The following CELSR3 variants were observed in gnomAD, a reference collection of about 807,000 sequenced individuals.
The protein encoded by CELSR3 is EGF-like protein 1.
A neutral mutation model predicts 270.0 loss-of-function variants in CELSR3; 73 were observed. The observed-to-expected ratio is 0.27, with a 90% CI of 0.22 to 0.33. The LOEUF is 0.33. Among genes scored for constraint, CELSR3 ranks in the 10% least tolerant of loss-of-function variants. The pLI is 1.00. For synonymous variants in CELSR3, 1,780 were observed against 1,905.4 expected (o/e 0.93, Z 1.71); for missense variants, 3,614 against 4,533.8 (o/e 0.80, Z 5.83).
In CELSR3 at chr3:48,648,883, C is replaced by T. The variant is rs746199912; in HGVS notation, c.6613G>A (p.Ala2205Thr). 1.9e-6 allele frequency: 3 copies of T among 1,612,762 alleles called. No individual in the cohort carries two copies. In the East Asian group the frequency reaches 6.7e-5, roughly 36 times the overall value. The change falls in exon 18 of 35, where the codon GCC (alanine) becomes ACC (threonine). Residue 2205 changes from alanine (A) to threonine (T), a missense_variant. Coordinates refer to ENST00000164024, the MANE Select transcript of CELSR3 (RefSeq NM_001407.3). ...LNKTALDTME[A>T]KKLAQRLREV... ...CGTAGCCGCTGAGCCAGCTTCTTGGCCTCCATGGTATCCAGTGCCGTCTTG... is the reference window on the plus strand; with the variant it reads ...CGTAGCCGCTGAGCCAGCTTCTTGGTCTCCATGGTATCCAGTGCCGTCTTG...
rs757965107 is a variant in CELSR3 at position 48,656,710 on chromosome 3, G to A, written c.4387C>T (p.Pro1463Ser). 2 of 1,492,846 alleles carry A rather than the reference G, an allele frequency of 1.3e-6. No homozygotes were observed. Among genetic ancestry groups the A allele is most frequent in the Non-Finnish European group, 1.8e-6 (2 of 1,127,574 alleles). The allele number at this position is 1,492,846 out of a possible 1,614,324, so 92.5% of individuals were successfully genotyped here. A position where few individuals can be genotyped will look rare whatever the true frequency, so the allele number is the denominator to read the frequency against. The change falls in exon 2 of 35, where the codon CCG becomes TCG. Residue 1463 changes from proline to serine, a missense_variant. Pro to Ser is a moderately conservative substitution (Grantham distance 74, BLOSUM62 -1). Around this residue, in one of 7 missense-constraint regions of CELSR3, gnomAD observed 1,331 missense variants for 1,933.7 expected, o/e 0.69. Transcript: ENST00000164024. ...REGGYTCVCRPRFTGEDCELD... is the reference protein window; with the variant it reads ...REGGYTCVCRSRFTGEDCELD... ...GCGCCCTGCTCACCGGTGAAGCGCGGGCGGCAGACGCACGTGTAGCCTCCC... is the reference window on the plus strand; with the variant it reads ...GCGCCCTGCTCACCGGTGAAGCGCGAGCGGCAGACGCACGTGTAGCCTCCC...
Position 48,653,118 on chromosome 3 carries a change from G to C in CELSR3, c.5518C>G (p.Gln1840Glu). The change falls in exon 10 of 35, where the codon CAG becomes GAG. Residue 1840 changes from glutamine (Q) to glutamate (E), a missense_variant. This residue lies in a region of CELSR3 where 1,331 missense variants were observed against 1,933.7 expected (regional missense o/e 0.69). Coordinates refer to ENST00000164024, the MANE Select transcript of CELSR3 (RefSeq NM_001407.3). The surrounding 1 kb of genome is among the most constrained non-coding windows in gnomAD (Gnocchi z 6.5). ...CACCGGCCATCACTGACAGTCACCT[G>C]GTCCAGAAGGAGATGGGAAGCACGG... The part of the protein sequence containing the change: ...SGRASHLLLD[Q>E]VTVSDGRWHD... 1 of 1,613,346 alleles carries C rather than the reference G, an allele frequency of 6.2e-7. No homozygotes were observed. The highest frequency in any genetic ancestry group is 1.1e-5 in the South Asian group (1 of 91,078).
In CELSR3 at chr3:48,648,252, C is replaced by CCCCCCCA; in HGVS notation, c.6973+13_6973+14insTGGGGGG. 6.3e-7 allele frequency: 1 copy of CCCCCCCA among 1,577,568 alleles called. No individual in the cohort carries two copies. The highest frequency in any genetic ancestry group is 8.7e-7 in the Non-Finnish European group (1 of 1,151,430). On this transcript the variant is annotated intron_variant, in intron 19 of 34. Transcript: ENST00000164024. ...CCCCCTGCTGTGCCCCGCCCTACCC[C>CCCCCCCA]ACCCACAACGCACTGATATTAGGCG... is the stretch of plus-strand genomic sequence containing the variant.
Position 48,644,668 on chromosome 3 carries a change from C to A in CELSR3, c.8085+48G>T. The A allele has an allele frequency of 1.4e-6, 2 of 1,459,466 alleles. No individual in the cohort carries two copies. Among genetic ancestry groups the A allele is most frequent in the Admixed American group, 1.7e-5 (1 of 58,752 alleles). The allele number at this position is 1,459,466 out of a possible 1,614,324, so 90.4% of individuals were successfully genotyped here. A position where few individuals can be genotyped will look rare whatever the true frequency, so the allele number is the denominator to read the frequency against. The stretch of plus-strand genomic sequence containing the variant: ...GCTGAGTCCACTGCACCTCCTCCCC[C>A]AATGAGGGAGGGAAGTACAGAGGGG... On this transcript the variant is annotated intron_variant, in intron 26 of 34. Transcript: ENST00000164024. The surrounding 1 kb of genome is among the most constrained non-coding windows in gnomAD (Gnocchi z 4.8).
Position 48,655,026 on chromosome 3 carries a change from A to G in CELSR3, c.4988+18T>C, listed in dbSNP as rs371116666. On this transcript the variant is annotated intron_variant, in intron 6 of 34. Transcript: ENST00000164024. The surrounding 1 kb of genome is among the most constrained non-coding windows in gnomAD (Gnocchi z 5.8). ...TTGGTAGGCAGGGGACAAGGGGACT[A>G]GGGGGCAGGGGCCTCACTTCTTGGA... 1.5e-4 allele frequency: 242 copies of G among 1,612,340 alleles called. 1 individual carries two copies. The highest frequency in any genetic ancestry group is 2.8e-4 in the Admixed American group (17 of 59,898).
At position 48,659,072 on chromosome 3, in the gene CELSR3, G is replaced by A. The variant is rs892763294; in HGVS notation, c.3563C>T (p.Pro1188Leu). 6.2e-6 allele frequency: 10 copies of A among 1,614,090 alleles called. No individual in the cohort carries two copies. The highest frequency in any genetic ancestry group is 2.7e-5 in the African/African-American group (2 of 74,926). ...TGGGATGCGCCCAATAATGCCCGAC[G>A]GGAAGGTGTCTGAACGGTTGGATAC... ...NYVSNRSDTFPSGIIGRIPAY... is the reference protein window; with the variant it reads ...NYVSNRSDTFLSGIIGRIPAY... Residue 1188 changes from proline (P) to leucine (L), a missense_variant, in exon 1 of 35, where the codon CCG becomes CTG. By Grantham distance (98) the Pro-to-Leu change is moderately conservative. Around this residue, in one of 7 missense-constraint regions of CELSR3, gnomAD observed 1,331 missense variants for 1,933.7 expected, o/e 0.69. Transcript: ENST00000164024. This position sits in a 1 kb window ranked among gnomAD's most constrained non-coding sequence, Gnocchi z 8.1.
Position 48,660,413 on chromosome 3 carries a change from C to G in CELSR3, c.2222G>C (p.Ser741Thr). ...AACGTCCAGCACAGTCACGGTGACA[C>G]TGGCTGAGGCAGAGAGTGGGGGTGA... Reference protein sequence around the residue: ...HGSPPLSASASVTVTVLDVND... With the variant: ...HGSPPLSASATVTVTVLDVND... The change falls in exon 1 of 35, where the codon AGT becomes ACT. Residue 741 changes from serine to threonine, a missense_variant. Transcript: ENST00000164024. The surrounding 1 kb of genome is among the most constrained non-coding windows in gnomAD (Gnocchi z 5.5). 6.2e-7 allele frequency: 1 copy of G among 1,614,106 alleles called. No individual in the cohort carries two copies. The highest frequency in any genetic ancestry group is 2.2e-5 in the East Asian group (1 of 44,884).
At position 48,651,225 on chromosome 3, in the gene CELSR3, A is replaced by G; in HGVS notation, c.6186+134T>C. The stretch of plus-strand genomic sequence containing the variant: ...CCAAGGGAGGGGTCACGGGTAAAGG[A>G]TGAGAGACAGCAACTTGGTCACAGG... On this transcript the variant is annotated intron_variant, in intron 14 of 34. Transcript: ENST00000164024. The surrounding 1 kb of genome is among the most constrained non-coding windows in gnomAD (Gnocchi z 7.4). 6.7e-7 allele frequency: 1 copy of G among 1,494,630 alleles called. No individual in the cohort carries two copies. The highest frequency in any genetic ancestry group is 9.2e-7 in the Non-Finnish European group (1 of 1,091,614). The allele number at this position is 1,494,630 out of a possible 1,614,324, so 92.6% of individuals were successfully genotyped here. A position where few individuals can be genotyped will look rare whatever the true frequency, so the allele number is the denominator to read the frequency against.
rs2047160270 is a variant in CELSR3, at chr3:48,654,067, G to A, written c.5153-64C>T. ...GTTGGGGGGCACAAGTGCTGGACAGGACTTTAGTGTCCAGAGGGGCTGAAA... is the reference window on the plus strand; with the variant it reads ...GTTGGGGGGCACAAGTGCTGGACAGAACTTTAGTGTCCAGAGGGGCTGAAA... On this transcript the variant is annotated intron_variant, in intron 7 of 34. Coordinates refer to ENST00000164024, the MANE Select transcript of CELSR3 (RefSeq NM_001407.3). The surrounding 1 kb of genome is among the most constrained non-coding windows in gnomAD (Gnocchi z 5.4). 1.9e-6 allele frequency: 3 copies of A among 1,588,212 alleles called. No individual in the cohort carries two copies.
intron 20 of CELSR3, 148 bp from the exon 21 acceptor site, chr3:48,647,076 G>T: frequency 1.4e-6 from 1 of 706,308 alleles, no homozygotes; most frequent in Non-Finnish European, 2.2e-6. Flanking sequence ...GAAAGTAACA[G>T]TCAAGGCCTG....
chr3:48,645,893 C>T lies in CELSR3; in HGVS notation c.7464-25G>A. The stretch of plus-strand genomic sequence containing the variant: ...CCTGCAGCCACAGGGCAGTTAGACA[C>T]AACTGTGACCCAGTGTCAGGCAGGG... On this transcript the variant is annotated intron_variant, in intron 22 of 34. Coordinates refer to ENST00000164024, the MANE Select transcript of CELSR3 (RefSeq NM_001407.3). This position sits in a 1 kb window ranked among gnomAD's most constrained non-coding sequence, Gnocchi z 5.4. 6.3e-7 allele frequency: 1 copy of T among 1,585,920 alleles called. No individual in the cohort carries two copies. The highest frequency in any genetic ancestry group is 8.6e-7 in the Non-Finnish European group (1 of 1,162,846).
At position 48,655,930 on chromosome 3, in the gene CELSR3, G is replaced by T. The variant is rs1232094301; in HGVS notation, c.4626-79C>A. 4 of 1,263,482 alleles carry T rather than the reference G, an allele frequency of 3.2e-6. No individual in the cohort carries two copies. The highest frequency in any genetic ancestry group is 1.3e-5 in the South Asian group (1 of 77,742). The allele number at this position is 1,263,482 out of a possible 1,614,324, so 78.3% of individuals were successfully genotyped here. A position where few individuals can be genotyped will look rare whatever the true frequency, so the allele number is the denominator to read the frequency against. On this transcript the variant is annotated intron_variant, in intron 3 of 34. Coordinates refer to ENST00000164024, the MANE Select transcript of CELSR3 (RefSeq NM_001407.3). This position sits in a 1 kb window ranked among gnomAD's most constrained non-coding sequence, Gnocchi z 5.8. ...ACTTCACACCCACCATCCCTGCGAGGAGAAGGGGCTGGGGCGAGAGAGGAA... is the reference window on the plus strand; with the variant it reads ...ACTTCACACCCACCATCCCTGCGAGTAGAAGGGGCTGGGGCGAGAGAGGAA...
Position 48,646,340 on chromosome 3 carries a change from C to G in CELSR3, c.7296-83G>C, listed in dbSNP as rs1163013160. The G allele has an allele frequency of 7.0e-7, 1 of 1,425,952 alleles. No homozygotes were observed. Among genetic ancestry groups the G allele is most frequent in the East Asian group, 2.5e-5 (1 of 40,720 alleles). 88.3% of individuals were successfully genotyped at this position (1,425,952 alleles called of 1,614,324 possible). ...TGCCTCACCCCGTCTTCATGCCACT[C>G]GCCAGGGCTGACCCAGGGTCTGGGA... On this transcript the variant is annotated intron_variant, in intron 21 of 34. Coordinates refer to ENST00000164024, the MANE Select transcript of CELSR3 (RefSeq NM_001407.3). The surrounding 1 kb of genome is among the most constrained non-coding windows in gnomAD (Gnocchi z 4.8).
chr3:48,659,787 T>A lies in CELSR3; in HGVS notation c.2848A>T (p.Met950Leu). ...GCATTGTCATTCACGTCATTGACCA[T>A]CACCTCCACATAAGTAGTGTCTGCC... is the stretch of plus-strand genomic sequence containing the variant. ...QKADTTYVEV[M>L]VNDVNDNAPQ... Residue 950 changes from methionine to leucine, a missense_variant, in exon 1 of 35, where the codon ATG becomes TTG. Physicochemically the swap from Met to Leu is conservative, Grantham distance 15. Transcript: ENST00000164024. The surrounding 1 kb of genome is among the most constrained non-coding windows in gnomAD (Gnocchi z 8.1). The A allele has an allele frequency of 6.2e-7, 1 of 1,614,214 alleles. No individual in the cohort carries two copies. The highest frequency in any genetic ancestry group is 8.5e-7 in the Non-Finnish European group (1 of 1,180,040).
Position 48,639,872 on chromosome 3 carries a change from G to A in CELSR3, c.9713C>T (p.Pro3238Leu). Residue 3238 changes from proline (P) to leucine (L), a missense_variant, in exon 34 of 35, where the codon CCC becomes CTC. This residue lies in a region of CELSR3 where 1,240 missense variants were observed against 1,351.7 expected (regional missense o/e 0.92). Transcript: ENST00000164024. The surrounding 1 kb of genome is among the most constrained non-coding windows in gnomAD (Gnocchi z 4.1). Reference sequence around the variant, plus strand: ...AAGAATGTCCAACTGTTCTGTGGAGGGGCCATGGCTGGGGCCACTGACCGA... The same window carrying A: ...AAGAATGTCCAACTGTTCTGTGGAGAGGCCATGGCTGGGGCCACTGACCGA... ...EDSVSGPSHG[P>L]STEQLDILSS... is the part of the protein sequence containing the mutation. The A allele has an allele frequency of 6.2e-7, 1 of 1,613,548 alleles. No individual in the cohort carries two copies. Among genetic ancestry groups the A allele is most frequent in the Non-Finnish European group, 8.5e-7 (1 of 1,179,962 alleles).
chr3:48,654,130 G>A lies in CELSR3; in HGVS notation c.5153-127C>T, dbSNP rs372815881. On this transcript the variant is annotated intron_variant, in intron 7 of 34. Coordinates refer to ENST00000164024, the MANE Select transcript of CELSR3 (RefSeq NM_001407.3). The surrounding 1 kb of genome is among the most constrained non-coding windows in gnomAD (Gnocchi z 5.4). ...TCAGCCCCATTTCCCATTTTCTTTC[G>A]ATGAGTGGGGTTGGTAAGAGTCAGG... The A allele has an allele frequency of 7.0e-5, 105 of 1,498,204 alleles. 1 individual carries two copies. The East Asian group carries it at 1.1e-3, about 16-fold the overall frequency. 92.8% of individuals were successfully genotyped at this position (1,498,204 alleles called of 1,614,324 possible). A position where few individuals can be genotyped will look rare whatever the true frequency, so the allele number is the denominator to read the frequency against.
rs2047136435 is a variant in CELSR3, at chr3:48,651,458, C to T, written c.6087G>A (p.Arg2029=). The change falls in exon 14 of 35, where the codon CGG becomes CGA. Residue 2029 remains arginine (R), a synonymous_variant. Coordinates refer to ENST00000164024, the MANE Select transcript of CELSR3 (RefSeq NM_001407.3). The surrounding 1 kb of genome is among the most constrained non-coding windows in gnomAD (Gnocchi z 7.4). The stretch of plus-strand genomic sequence containing the variant: ...CACAGGTTGGGCTCCCCCACCAGCC[C>T]CGTGGGCACTGCTGGTCCATCCTGG... ...CEHRMDQQCP[R]GWWGSPTCGP... 6.2e-7 allele frequency: 1 copy of T among 1,613,918 alleles called. No individual in the cohort carries two copies.
At chr3:48,649,002 G>A in intron 17 of CELSR3, 74 bp from the exon 18 acceptor site, 1 of 1,565,486 alleles carries the variant, frequency 6.4e-7, no homozygotes. Flanking sequence ...AGAAAGCCTT[G>A]CCAGATTAAA....
In CELSR3 at chr3:48,640,123, G is replaced by T; in HGVS notation, c.9462C>A (p.Ser3154Arg). ...GGGTGCGGCGGGGCGGAGGCAGCGT[G>T]CTCAACCACTCTCGAGGTGCCCCTA... is the stretch of plus-strand genomic sequence containing the variant. The part of the protein sequence containing the change: ...LDLGAPREWL[S>R]TLPPPRRTRD... The change falls in exon 34 of 35, where the codon AGC becomes AGA. Residue 3154 changes from serine to arginine, a missense_variant. Physicochemically the swap from Ser to Arg is moderately radical, Grantham distance 110. This residue lies in a region of CELSR3 where 1,240 missense variants were observed against 1,351.7 expected (regional missense o/e 0.92). Coordinates refer to ENST00000164024, the MANE Select transcript of CELSR3 (RefSeq NM_001407.3). This position sits in a 1 kb window ranked among gnomAD's most constrained non-coding sequence, Gnocchi z 7.5. 1 of 1,611,992 alleles carries T rather than the reference G, an allele frequency of 6.2e-7. No homozygotes were observed. The highest frequency in any genetic ancestry group is 2.2e-5 in the East Asian group (1 of 44,864).
Sources: gnomAD v4.1 joint callset for allele counts on GRCh38, gnomAD v4.1.1 for gene constraint, gnomAD v4.1.1 regional missense constraint, Gnocchi (gnomAD v3.1) non-coding constraint, MANE v1.5 for transcripts, NCBI Gene and HGNC (gene_info 2026-07-23, HGNC 2026-07-21) for gene names.